The following NOX5 variants were observed in gnomAD, a reference collection of about 807,000 sequenced individuals.
NOX5 encodes the protein NADPH oxidase 5, also known as NADPH oxidase, EF-hand calcium binding domain 5.
NOX5 carries 76 observed loss-of-function variants against 85.7 expected under a neutral mutation model. That is an observed-to-expected ratio of 0.89 (90% CI 0.74 to 1.07). The LOEUF is 1.07. Among genes scored for constraint, NOX5 ranks in the 50% least tolerant of loss-of-function variants. The pLI is 0.00. For missense variants in NOX5, 973 were observed against 999.5 expected, an observed-to-expected ratio of 0.97 and a Z score of 0.36; for synonymous variants, 405 against 401.4, an observed-to-expected ratio of 1.01 and a Z score of -0.11.
intron 14 of NOX5, 25 bp from the exon 15 acceptor site, chr15:69,055,309 G>A: frequency 1.2e-6 from 2 of 1,611,802 alleles, no homozygotes; most frequent in Non-Finnish European, 1.7e-6. Flanking sequence ...GACCCTCAGT[G>A]CAGCCCTTGT....
At chr15:69,030,285 C>T (rs967947846) in intron 3 of NOX5, 4 of 152,168 alleles carry the variant, frequency 2.6e-5, no homozygotes, top group East Asian at 1.9e-4. Flanking sequence ...TTACGCGCGA[C>T]GGGGAGCCAT....
chr15:69,045,572 C>CTTT (rs748316277), intron 10 of NOX5, among the ~76,000 whole-genome samples: 1,063 of 10,274 alleles, frequency 0.1, 10 homozygotes, highest in Admixed American at 0.15. Context: ...TTCTTTCTTC[C>CTTT]CTTTCTTTCT....
chr15:69,045,536 T>TTTCTTTCTTTCTTTC (rs2050653280), intron 10 of NOX5, among the ~76,000 whole-genome samples: 21 of 94,560 alleles, frequency 2.2e-4, no homozygotes, highest in African/African-American at 9.5e-4. Flanking sequence ...TTCCTTTCTT[T>TTTCTTTCTTTCTTTC]TTTCTTTCTT....
chr15:69,035,965 C>T (rs769762301), intron 7 of NOX5, 29 bp downstream of exon 7: 2 of 1,612,718 alleles, frequency 1.2e-6, no homozygotes, highest in Admixed American at 3.3e-5. Context: ...TTTTGCTTCC[C>T]CCAAGGCCAG....
At chr15:69,046,371 G>A (rs1454250417) in intron 10 of NOX5, 1 of 158,948 alleles carries the variant, frequency 6.3e-6, no homozygotes, top group Non-Finnish European at 1.4e-5. Context: ...AGGATACAGT[G>A]TACACTGACA....
intron 13 of NOX5, among the ~76,000 whole-genome samples, 190 bp downstream of exon 13, chr15:69,048,101 C>T (rs147510868): frequency 3.7e-4 from 56 of 152,388 alleles, no homozygotes; most frequent in African/African-American, 1.3e-3. Flanking sequence ...GAGCTCCGCC[C>T]CTGCTTCAAC....
Position 69,035,443 on chromosome 15 carries a change from G to C in NOX5, c.945G>C (p.Gln315His), listed in dbSNP as rs1184488444. ...LPLDQNIQFHQLMGYVVVGLS... is the reference protein window; with the variant it reads ...LPLDQNIQFHHLMGYVVVGLS... Reference sequence around the variant, plus strand: ...TGGACCAGAACATCCAGTTCCACCAGCTTATGGGCTACGTGGTAGTGGGGC... The same window carrying C: ...TGGACCAGAACATCCAGTTCCACCACCTTATGGGCTACGTGGTAGTGGGGC... The change falls in exon 6 of 16, where the codon CAG becomes CAC. Residue 315 changes from glutamine to histidine, a missense_variant. By Grantham distance (24) the Gln-to-His change is conservative (BLOSUM62 0). Coordinates refer to ENST00000388866, the MANE Select transcript of NOX5 (RefSeq NM_024505.4). The C allele has an allele frequency of 1.2e-6, 2 of 1,614,208 alleles. No individual in the cohort carries two copies. The highest frequency in any genetic ancestry group is 2.2e-5 in the South Asian group (2 of 91,084).
At chr15:69,025,084 T>C (rs2050340040) in intron 1 of NOX5, among the ~76,000 whole-genome samples, 1 of 152,198 alleles carries the variant, frequency 6.6e-6, no homozygotes, top group Admixed American at 6.5e-5. Flanking sequence ...GAACCATTGT[T>C]CTTAGAAGGA....
chr15:69,042,934 T>A (rs1480897107), intron 10 of NOX5, 129 bp downstream of exon 10: 1 of 970,254 alleles, frequency 1.0e-6, no homozygotes, highest in African/African-American at 1.6e-5. Context: ...CACAAGGGGG[T>A]TAGGCAACTG....
rs980602958 is a variant in NOX5 at position 69,057,812 on chromosome 15, C to G, written c.*1116C>G. 6.6e-6 allele frequency: 1 copy of G among 152,348 alleles called. No homozygotes were observed. The highest frequency in any genetic ancestry group is 1.5e-5 in the Non-Finnish European group (1 of 68,114). 9.4% of individuals were successfully genotyped at this position (152,348 alleles called of 1,614,324 possible). ...CACCTCAGTTCAGCTCCTTGCTGCTCCAGGCTTTCGTGCATCTACATCATT... is the reference window on the plus strand; with the variant it reads ...CACCTCAGTTCAGCTCCTTGCTGCTGCAGGCTTTCGTGCATCTACATCATT... On this transcript the variant is annotated 3_prime_UTR_variant, in exon 16 of 16. Transcript: ENST00000388866.
At chr15:69,042,866 C>T in intron 10 of NOX5, 61 bp downstream of exon 10, 1 of 1,546,790 alleles carries the variant, frequency 6.5e-7, no homozygotes, top group Non-Finnish European at 8.8e-7. Flanking sequence ...GACCAAGTTG[C>T]CTCCTTCTTC....
chr15:69,030,079 A>T (rs2050409910), intron 3 of NOX5: 1 of 152,240 alleles, frequency 6.6e-6, no homozygotes, highest in African/African-American at 2.4e-5. Flanking sequence ...ACTCCACTGT[A>T]TGTATCATGC....
Position 69,035,966 on chromosome 15 carries a change from C to T in NOX5, c.1188+30C>T, listed in dbSNP as rs372872277. Reference sequence around the variant, plus strand: ...CCCAGTTGCTGCCCTTTTGCTTCCCCCAAGGCCAGGGTCCTACTTTCATTT... The same window carrying T: ...CCCAGTTGCTGCCCTTTTGCTTCCCTCAAGGCCAGGGTCCTACTTTCATTT... On this transcript the variant is annotated intron_variant, in intron 7 of 15. Coordinates refer to ENST00000388866, the MANE Select transcript of NOX5 (RefSeq NM_024505.4). 1.9e-6 allele frequency: 3 copies of T among 1,612,508 alleles called. No homozygotes were observed. The African/African-American group carries it at 4.0e-5, about 22-fold the overall frequency.
At position 69,028,289 on chromosome 15, in the gene NOX5, G is replaced by A; in HGVS notation, c.249G>A (p.Gln83=). ...GCACCATCACCCTCCAGGAGCTGCA[G>A]GAGGCACTGACCCTGCTCATCCATG... ...RSGTITLQEL[Q]EALTLLIHGS... The change falls in exon 3 of 16, where the codon CAG becomes CAA. Residue 83 remains glutamine (Q), a synonymous_variant. Coordinates refer to ENST00000388866, the MANE Select transcript of NOX5 (RefSeq NM_024505.4). 6.2e-7 allele frequency: 1 copy of A among 1,613,750 alleles called. No homozygotes were observed. The highest frequency in any genetic ancestry group is 8.5e-7 in the Non-Finnish European group (1 of 1,179,830).
chr15:69,055,097 G>T (rs2050794398), intron 14 of NOX5, among the ~76,000 whole-genome samples: 1 of 152,164 alleles, frequency 6.6e-6, no homozygotes, highest in African/African-American at 2.4e-5. Context: ...CTCTTGGAGT[G>T]GTTGTGAGGT....
In NOX5 at chr15:69,031,368, T is replaced by G. The variant is rs2050426446; in HGVS notation, c.326-150T>G. 9.6e-6 allele frequency: 8 copies of G among 833,780 alleles called. No homozygotes were observed. In the South Asian group the frequency reaches 1.5e-4, roughly 16 times the overall value. The allele number at this position is 833,780 out of a possible 1,614,324, so 51.6% of individuals were successfully genotyped here. ...TCTCCACCCGTGGGGAGGTGTCCAT[T>G]GCTGTTGAGCTAGGCAGTCGGGAAC... On this transcript the variant is annotated intron_variant, in intron 3 of 15. Coordinates refer to ENST00000388866, the MANE Select transcript of NOX5 (RefSeq NM_024505.4).
At chr15:69,040,780 G>A (rs187087483) in intron 9 of NOX5, among the ~76,000 whole-genome samples, 240 of 151,936 alleles carry the variant, frequency 1.6e-3, no homozygotes, top group Non-Finnish European at 2.2e-3. Flanking sequence ...TCCGCCTCCC[G>A]GGTTCTTCTG....
At chr15:69,020,234 TA>T (rs1475427365) in intron 1 of NOX5, among the ~76,000 whole-genome samples, 2 of 152,202 alleles carry the variant, frequency 1.3e-5, no homozygotes, top group Non-Finnish European at 2.9e-5. Context: ...TTATTGCAAA[TA>T]TTTTCCTTCA....
At chr15:69,016,671 G>A (rs1372453774) in intron 1 of NOX5, among the ~76,000 whole-genome samples, 1 of 152,132 alleles carries the variant, frequency 6.6e-6, no homozygotes, top group Non-Finnish European at 1.5e-5. Context: ...GTGCTAGACA[G>A]ACATCCTATG....
Sources: allele counts gnomAD v4.1 joint callset (sites outside exome capture counted in the v4.1 genomes callset), GRCh38; gene constraint gnomAD v4.1.1; transcripts MANE v1.5; gene names NCBI Gene and HGNC (gene_info 2026-07-23, HGNC 2026-07-21).